ZNG1B: variants seen among roughly 807,000 people sequenced by gnomAD.
ZNG1B encodes zinc-regulated GTPase metalloprotein activator 1B.
At chr2:113,453,251 T>A in the ZNG1B span, 5,947 of 1,570,536 alleles carry the variant, frequency 3.8e-3, 173 homozygotes, top group African/African-American at 0.071. Context: ...TTTTTTTTTT[T>A]ATTTTTTTCT....
At chr2:113,457,217 G>A in the ZNG1B span, 1 of 440,590 alleles carries the variant, frequency 2.3e-6, no homozygotes, top group Non-Finnish European at 4.5e-6. Flanking sequence ...CAAGTGAGAG[G>A]TTTCTTCTTG....
At chr2:113,467,891 C>A in the ZNG1B span, among the ~76,000 whole-genome samples, 1 of 136,310 alleles carries the variant, frequency 7.3e-6, no homozygotes. Context: ...AGTAGTATGA[C>A]TGAAGAGATA....
chr2:113,475,633 G>A, the ZNG1B span, among the ~76,000 whole-genome samples: 6 of 152,120 alleles, frequency 3.9e-5, no homozygotes, highest in Non-Finnish European at 7.4e-5. Context: ...GGTACCGGTT[G>A]TTCCTTTCCA....
chr2:113,443,137 T>G, the ZNG1B span, among the ~76,000 whole-genome samples: 1 of 151,972 alleles, frequency 6.6e-6, no homozygotes, highest in South Asian at 2.1e-4. Context: ...CCTGGCTAAT[T>G]TTTTGTAATT....
At chr2:113,489,000 C>T in the ZNG1B span, among the ~76,000 whole-genome samples, 1 of 142,310 alleles carries the variant, frequency 7.0e-6, no homozygotes, top group Non-Finnish European at 1.5e-5. Flanking sequence ...GATGCAAATA[C>T]AAGAAGCACA....
the ZNG1B span, among the ~76,000 whole-genome samples, chr2:113,484,282 CT>C: frequency 6.8e-6 from 1 of 147,226 alleles, no homozygotes; most frequent in Non-Finnish European, 1.5e-5. Context: ...TTAGCAAGGC[CT>C]GTTTGCTCAG....
the ZNG1B span, chr2:113,454,648 A>T: frequency 8.1e-7 from 1 of 1,228,228 alleles, no homozygotes; most frequent in Non-Finnish European, 1.2e-6. Context: ...GAACTGAAAT[A>T]GGTTAGTTTT....
At chr2:113,473,484 C>A in the ZNG1B span, among the ~76,000 whole-genome samples, 2 of 151,048 alleles carry the variant, frequency 1.3e-5, no homozygotes, top group African/African-American at 4.9e-5. Flanking sequence ...TTATTTCCTT[C>A]TCCTGCCTAA....
At chr2:113,478,375 A>G in the ZNG1B span, among the ~76,000 whole-genome samples, 1 of 152,036 alleles carries the variant, frequency 6.6e-6, no homozygotes, top group Non-Finnish European at 1.5e-5. Context: ...TCCTGGGCTC[A>G]AGTGATCCTC....
At chr2:113,466,869 C>T in the ZNG1B span, 7 of 936,016 alleles carry the variant, frequency 7.5e-6, no homozygotes, top group Non-Finnish European at 8.9e-6. Context: ...TGGAGACCAT[C>T]CTGGCTAACA....
chr2:113,486,600 C>T, the ZNG1B span, among the ~76,000 whole-genome samples: 1 of 151,954 alleles, frequency 6.6e-6, no homozygotes. Flanking sequence ...GCAAAAAATA[C>T]AAAAAATTAG....
At chr2:113,476,318 T>C in the ZNG1B span, among the ~76,000 whole-genome samples, 6,927 of 149,794 alleles carry the variant, frequency 0.046, 603 homozygotes, top group African/African-American at 0.17. Context: ...ACGTAGTTCT[T>C]GAGCCTTGGT....
At chr2:113,476,194 T>C in the ZNG1B span, among the ~76,000 whole-genome samples, 1 of 152,202 alleles carries the variant, frequency 6.6e-6, no homozygotes, top group Non-Finnish European at 1.5e-5. Flanking sequence ...TGTTTCTTTT[T>C]ATTCTTTTTT....
At chr2:113,473,522 T>C in the ZNG1B span, among the ~76,000 whole-genome samples, 3 of 151,784 alleles carry the variant, frequency 2.0e-5, no homozygotes, top group Non-Finnish European at 4.4e-5. Flanking sequence ...TCCAACACTA[T>C]GTTGAATAGG....
the ZNG1B span, among the ~76,000 whole-genome samples, chr2:113,482,391 GTCTAAT>G: frequency 1.6e-4 from 25 of 151,568 alleles, 1 homozygote; most frequent in South Asian, 4.2e-3. Flanking sequence ...TTTTGACATA[GTCTAAT>G]TCTATTTCTT....
chr2:113,494,536 T>A, the ZNG1B span: 1 of 797,112 alleles, frequency 1.3e-6, no homozygotes, highest in Non-Finnish European at 1.5e-6. Flanking sequence ...TTTTGGTAAA[T>A]TAAGAATATT....
the ZNG1B span, among the ~76,000 whole-genome samples, chr2:113,454,366 TAAACTA>T: frequency 1.6e-4 from 24 of 152,160 alleles, no homozygotes; most frequent in African/African-American, 5.8e-4. Flanking sequence ...TATGTGAAAA[TAAACTA>T]GAAATAACCT....
chr2:113,462,485 C>T, the ZNG1B span: 4,758 of 1,595,914 alleles, frequency 3.0e-3, 6 homozygotes, highest in Non-Finnish European at 3.2e-3. Context: ...AAATTAAGAG[C>T]GACAATTAGG....
the ZNG1B span, among the ~76,000 whole-genome samples, chr2:113,485,839 G>A: frequency 2.0e-5 from 3 of 152,094 alleles, no homozygotes; most frequent in African/African-American, 4.8e-5. Context: ...ATAACCCAGT[G>A]GGTTAAAGAA....
Sources: allele counts gnomAD v4.1 joint callset (sites outside exome capture counted in the v4.1 genomes callset), GRCh38; gene constraint gnomAD v4.1.1; transcripts MANE v1.5; gene names NCBI Gene and HGNC (gene_info 2026-07-23, HGNC 2026-07-21).